Variants in TTC28 observed in about 807,000 individuals in gnomAD.
The protein encoded by TTC28 is tetratricopeptide repeat domain 28, also known as tetratricopeptide repeat protein 28.
In TTC28, 61 loss-of-function variants were observed where a neutral mutation model predicts 198.0. That is an observed-to-expected ratio of 0.31 (90% confidence interval 0.25 to 0.38). The LOEUF is 0.38. TTC28 is among the 10% of genes least tolerant of loss of function. The pLI, the probability that TTC28 is intolerant of heterozygous loss-of-function variation, is 1.00. For synonymous variants in TTC28, 1,171 were observed against 1,297.8 expected (o/e 0.90, Z 2.10); for missense variants, 2,678 against 3,164.0 (o/e 0.85, Z 3.69).
In TTC28 at chr22:28,132,244, G is replaced by C. The variant is rs370568392; in HGVS notation, c.1442-23841C>G. On this transcript the variant is annotated intron_variant, in intron 6 of 22. Transcript: ENST00000397906. ...TGTTGGAGGCCATTATGCATTATCA[G>C]ATTTGTAGCTTCATAAAGTTACACA... is the stretch of plus-strand genomic sequence containing the variant. 7.2e-5 allele frequency among the ~76,000 whole-genome samples: 11 copies of C among 152,314 alleles called. 1 individual carries two copies. In the South Asian group the frequency reaches 2.3e-3, roughly 32 times the overall value.
At chr22:28,625,587 A>C (rs528583664) in intron 2 of TTC28, among the ~76,000 whole-genome samples, 9 of 152,330 alleles carry the variant, frequency 5.9e-5, no homozygotes, top group Admixed American at 2.6e-4. Context: ...TCATGGATTC[A>C]AAGACTCAAT....
At chr22:28,046,453 T>C (rs918400939) in intron 12 of TTC28, among the ~76,000 whole-genome samples, 6 of 152,228 alleles carry the variant, frequency 3.9e-5, no homozygotes, top group African/African-American at 1.4e-4. Flanking sequence ...TATTTGTGTA[T>C]CTAAACATAG....
chr22:28,018,281 G>A (rs867452718), intron 13 of TTC28, among the ~76,000 whole-genome samples: 1 of 130,338 alleles, frequency 7.7e-6, no homozygotes, highest in African/African-American at 3.0e-5. Flanking sequence ...GTGTGTGTAT[G>A]TGTGTGCGCG....
At chr22:28,338,076 A>G (rs1451410737) in intron 2 of TTC28, among the ~76,000 whole-genome samples, 2 of 151,942 alleles carry the variant, frequency 1.3e-5, no homozygotes, top group Non-Finnish European at 1.5e-5. Flanking sequence ...TCTGTAAAGG[A>G]TTTTATTTCT....
intron 5 of TTC28, among the ~76,000 whole-genome samples, chr22:28,169,387 C>T (rs1314673269): frequency 1.3e-5 from 2 of 152,100 alleles, no homozygotes; most frequent in Non-Finnish European, 2.9e-5. Flanking sequence ...TTTATTGTGG[C>T]ACTACTCACA....
chr22:28,040,076 G>C (rs545071488), intron 12 of TTC28, among the ~76,000 whole-genome samples: 7 of 152,176 alleles, frequency 4.6e-5, no homozygotes, highest in African/African-American at 1.7e-4. Flanking sequence ...AACAGGTTCT[G>C]AAATTGAGGA....
At chr22:27,990,619 G>C (rs1174999345) in intron 20 of TTC28, among the ~76,000 whole-genome samples, 170 bp downstream of exon 20, 1 of 152,186 alleles carries the variant, frequency 6.6e-6, no homozygotes, top group Non-Finnish European at 1.5e-5. Context: ...AGCAGAGAAG[G>C]GGACGGGCCG....
At chr22:28,395,459 C>G (rs2146083335) in intron 2 of TTC28, among the ~76,000 whole-genome samples, 1 of 152,082 alleles carries the variant, frequency 6.6e-6, no homozygotes, top group Non-Finnish European at 1.5e-5. Flanking sequence ...CGGTAAAACC[C>G]CAACTCTACT....
At chr22:28,167,281 C>A (rs1396292564) in intron 5 of TTC28, among the ~76,000 whole-genome samples, 1 of 152,158 alleles carries the variant, frequency 6.6e-6, no homozygotes, top group African/African-American at 2.4e-5. Flanking sequence ...TGAAACCATT[C>A]CAATCAATAG....
chr22:28,119,042 C>A (rs1445383200), intron 6 of TTC28, among the ~76,000 whole-genome samples: 6 of 152,182 alleles, frequency 3.9e-5, no homozygotes, highest in Non-Finnish European at 8.8e-5. Context: ...CTAAGCTCTG[C>A]AATTTGTTTC....
At chr22:28,576,824 A>G (rs1175143145) in intron 2 of TTC28, among the ~76,000 whole-genome samples, 1 of 151,854 alleles carries the variant, frequency 6.6e-6, no homozygotes, top group Non-Finnish European at 1.5e-5. Context: ...TATCAGATGT[A>G]ATGTCTCCTT....
chr22:28,142,700 G>A lies in TTC28; in HGVS notation c.1441+20392C>T, dbSNP rs555992539. On this transcript the variant is annotated intron_variant, in intron 6 of 22. Coordinates refer to ENST00000397906, the MANE Select transcript of TTC28 (RefSeq NM_001145418.2). ...GCCATAAAAACAGAACAAAGGAAAG[G>A]CAAAGAAGAAAAATAGTGGTTGGAC... 7.9e-5 allele frequency among the ~76,000 whole-genome samples: 12 copies of A among 152,256 alleles called. No homozygotes were observed. In the East Asian group the frequency reaches 2.3e-3, roughly 29 times the overall value.
chr22:28,412,447 A>G (rs1337530935), intron 2 of TTC28, among the ~76,000 whole-genome samples: 1 of 152,262 alleles, frequency 6.6e-6, no homozygotes, highest in East Asian at 1.9e-4. Context: ...TGGCTCCTAA[A>G]AACCAAAACT....
At chr22:28,430,072 C>A (rs1268653817) in intron 2 of TTC28, among the ~76,000 whole-genome samples, 3 of 129,840 alleles carry the variant, frequency 2.3e-5, no homozygotes, top group Admixed American at 1.7e-4. Flanking sequence ...GTGAAGACTG[C>A]ATTTAGCAGA....
intron 21 of TTC28, among the ~76,000 whole-genome samples, chr22:27,989,094 G>T (rs1007017058): frequency 2.0e-5 from 3 of 152,208 alleles, no homozygotes; most frequent in Admixed American, 6.5e-5. Context: ...CAGGAGGGGA[G>T]TGGCTCACAG....
rs190971288 is a variant in TTC28 at position 28,146,717 on chromosome 22, C to T, written c.1441+16375G>A. ...TTAGATAATGGATTGGTGGAACCTT[C>T]CATTTGAATCAGGGAAACAATTACA... On this transcript the variant is annotated intron_variant, in intron 6 of 22. Coordinates refer to ENST00000397906, the MANE Select transcript of TTC28 (RefSeq NM_001145418.2). Among the ~76,000 whole-genome samples, 351 of 152,230 alleles carry T rather than the reference C, an allele frequency of 2.3e-3. 2 individuals are homozygous for T. The Middle Eastern group carries it at 0.034, about 15-fold the overall frequency.
At chr22:28,401,187 A>G (rs1020131120) in intron 2 of TTC28, among the ~76,000 whole-genome samples, 1 of 148,232 alleles carries the variant, frequency 6.7e-6, no homozygotes, top group African/African-American at 2.6e-5. Flanking sequence ...AAGGAAAAGG[A>G]GGGGGGGAGG....
At chr22:28,144,194 T>G (rs1943406647) in intron 6 of TTC28, among the ~76,000 whole-genome samples, 1 of 152,206 alleles carries the variant, frequency 6.6e-6, no homozygotes, top group South Asian at 2.1e-4. Context: ...CTTAATTCTA[T>G]TTTACATCTT....
At chr22:28,466,816 T>TACACACAC (rs1250614587) in intron 2 of TTC28, among the ~76,000 whole-genome samples, 3 of 70,538 alleles carry the variant, frequency 4.3e-5, no homozygotes, top group South Asian at 6.2e-4. Flanking sequence ...ATTATATACA[T>TACACACAC]ACATACACAC....
Sources: allele counts gnomAD v4.1 joint callset (sites outside exome capture counted in the v4.1 genomes callset), GRCh38; gene constraint gnomAD v4.1.1; transcripts MANE v1.5; gene names NCBI Gene and HGNC (gene_info 2026-07-23, HGNC 2026-07-21).